Variants in SNX29 observed in about 807,000 individuals in gnomAD.
SNX29 encodes sorting nexin 29, also known as sorting nexin-29.
A neutral mutation model predicts 102.1 loss-of-function variants in SNX29; 78 were observed. That is an observed-to-expected ratio of 0.76 (90% CI 0.64 to 0.92). SNX29 has a LOEUF of 0.92. Ranked by LOEUF, SNX29 falls within the 40% of genes least tolerant of loss-of-function variation. The probability of loss-of-function intolerance (pLI) is 0.00; values close to 1 mark genes in which losing one functional copy is unlikely to be tolerated. For missense variants in SNX29, 1,280 were observed against 1,061.7 expected (o/e 1.21, Z -2.86); for synonymous variants, 580 against 414.5 (o/e 1.40, Z -4.85).
intron 15 of SNX29, among the ~76,000 whole-genome samples, chr16:12,325,371 G>A (rs1400198031): frequency 6.6e-6 from 1 of 152,162 alleles, no homozygotes; most frequent in Non-Finnish European, 1.5e-5. Context: ...TTTCCTTTGC[G>A]AAAATTATTT....
intron 15 of SNX29, among the ~76,000 whole-genome samples, chr16:12,342,002 T>C (rs546975073): frequency 2.6e-4 from 39 of 152,314 alleles, no homozygotes; most frequent in African/African-American, 8.4e-4. Context: ...CCCAGCTTCA[T>C]AGATGCTGCT....
chr16:12,188,731 A>G (rs2076573511), intron 13 of SNX29, among the ~76,000 whole-genome samples: 1 of 152,152 alleles, frequency 6.6e-6, no homozygotes, highest in South Asian at 2.1e-4. Flanking sequence ...TAAAAATCAA[A>G]CAAGCTTTTT....
chr16:12,177,466 T>C (rs1567281205), intron 13 of SNX29, among the ~76,000 whole-genome samples: 1 of 152,240 alleles, frequency 6.6e-6, no homozygotes, highest in Non-Finnish European at 1.5e-5. Flanking sequence ...CTGTGGTCTT[T>C]GTCCCCACGT....
At position 12,006,149 on chromosome 16, in the gene SNX29, A is replaced by G. The variant is rs370318678; in HGVS notation, c.122+3106A>G. ...AGGCCAGGAGTTCAAGGCTGCGGTG[A>G]GCTATGATCGTGCCATTGCATTCTA... On this transcript the variant is annotated intron_variant, in intron 3 of 20. Transcript: ENST00000566228. 7.0e-4 allele frequency among the ~76,000 whole-genome samples: 106 copies of G among 151,818 alleles called. 2 individuals carry two copies. Among genetic ancestry groups the G allele is most frequent in the South Asian group, 1.7e-3 (8 of 4,810 alleles).
intron 14 of SNX29, among the ~76,000 whole-genome samples, chr16:12,207,749 C>A (rs1457370369): frequency 6.6e-6 from 1 of 152,126 alleles, no homozygotes. Flanking sequence ...AATCTAATTA[C>A]TTGGATCTTT....
chr16:12,308,032 T>C (rs980488393), intron 15 of SNX29, among the ~76,000 whole-genome samples: 5 of 152,218 alleles, frequency 3.3e-5, no homozygotes, highest in Non-Finnish European at 5.9e-5. Context: ...TTCATGGTGC[T>C]CATATGGGAG....
At chr16:12,087,793 C>A in intron 11 of SNX29, 1 of 452,252 alleles carries the variant, frequency 2.2e-6, no homozygotes, top group Non-Finnish European at 4.5e-6. Flanking sequence ...ACTTCTGGGG[C>A]TGCAGCTTCC....
chr16:12,034,715 GT>G (rs2057427577), intron 4 of SNX29, among the ~76,000 whole-genome samples: 1 of 152,196 alleles, frequency 6.6e-6, no homozygotes, highest in African/African-American at 2.4e-5. Flanking sequence ...TTTCAAAGGT[GT>G]TTAATCCTGA....
At position 12,346,758 on chromosome 16, in the gene SNX29, A is replaced by G. The variant is rs1159016348; in HGVS notation, c.1783-9405A>G. 5.9e-5 allele frequency among the ~76,000 whole-genome samples: 9 copies of G among 152,206 alleles called. No homozygotes were observed. In the East Asian group the frequency reaches 1.7e-3, roughly 29 times the overall value. On this transcript the variant is annotated intron_variant, in intron 15 of 20. Transcript: ENST00000566228. Reference sequence around the variant, plus strand: ...CCAGGAAGGTGTTGGCTGCTATTGTAACATGGTCATTTCTGTGGATTCTGC... The same window carrying G: ...CCAGGAAGGTGTTGGCTGCTATTGTGACATGGTCATTTCTGTGGATTCTGC...
chr16:12,323,619 C>A (rs476267), intron 15 of SNX29, among the ~76,000 whole-genome samples: 85,513 of 151,914 alleles, frequency 0.56, 24,716 homozygotes, highest in African/African-American at 0.63. Context: ...CTTTGTCTGG[C>A]ATCCAGCATT....
At chr16:12,043,445 C>T (rs2049965985) in intron 5 of SNX29, among the ~76,000 whole-genome samples, 1 of 151,736 alleles carries the variant, frequency 6.6e-6, no homozygotes, top group Non-Finnish European at 1.5e-5. Context: ...GCCTGGACCT[C>T]CCTGGCTCAA....
chr16:12,099,973 CCT>C (rs201735414), intron 11 of SNX29, among the ~76,000 whole-genome samples: 2,501 of 152,212 alleles, frequency 0.016, 79 homozygotes, highest in African/African-American at 0.057. Flanking sequence ...ATGGATTTCC[CCT>C]GTCTAGTCCT....
chr16:12,341,291 T>A (rs2081603688), intron 15 of SNX29, among the ~76,000 whole-genome samples: 1 of 152,216 alleles, frequency 6.6e-6, no homozygotes, highest in Non-Finnish European at 1.5e-5. Context: ...AACAAATGAT[T>A]TAATGTGTCT....
chr16:12,185,240 A>AC (rs1337136769), intron 13 of SNX29, among the ~76,000 whole-genome samples: 1 of 152,098 alleles, frequency 6.6e-6, no homozygotes, highest in Non-Finnish European at 1.5e-5. Context: ...CATGTGAGAG[A>AC]CTAGGGAGTG....
chr16:12,565,819 C>G (rs1038320494), intron 20 of SNX29, among the ~76,000 whole-genome samples: 3 of 152,202 alleles, frequency 2.0e-5, no homozygotes, highest in Non-Finnish European at 2.9e-5. Flanking sequence ...CAGCTCACTT[C>G]TGGTCACCCT....
At chr16:12,268,395 C>T (rs2078996468) in intron 14 of SNX29, among the ~76,000 whole-genome samples, 1 of 152,188 alleles carries the variant, frequency 6.6e-6, no homozygotes. Flanking sequence ...AGCGGTAGAG[C>T]CAGACTTTGA....
At chr16:12,354,404 G>A (rs970167207) in intron 15 of SNX29, among the ~76,000 whole-genome samples, 3 of 152,212 alleles carry the variant, frequency 2.0e-5, no homozygotes, top group Non-Finnish European at 4.4e-5. Context: ...TTCTGGCTGT[G>A]GAAGAGCACC....
At chr16:12,284,534 TG>T (rs1447839582) in intron 15 of SNX29, among the ~76,000 whole-genome samples, 1 of 152,210 alleles carries the variant, frequency 6.6e-6, no homozygotes, top group Non-Finnish European at 1.5e-5. Flanking sequence ...GCTGGGTACA[TG>T]ACCTGAGCTA....
At chr16:12,258,234 C>G (rs192101342) in intron 14 of SNX29, among the ~76,000 whole-genome samples, 1 of 152,182 alleles carries the variant, frequency 6.6e-6, no homozygotes, top group Non-Finnish European at 1.5e-5. Context: ...TGTCATCTGC[C>G]GCCACCTGCC....
Sources: allele counts gnomAD v4.1 joint callset (sites outside exome capture counted in the v4.1 genomes callset), GRCh38; gene constraint gnomAD v4.1.1; transcripts MANE v1.5; gene names NCBI Gene and HGNC (gene_info 2026-07-23, HGNC 2026-07-21).